KDM3B: variants seen among roughly 807,000 people sequenced by gnomAD.
KDM3B encodes lysine-specific demethylase 3B.
KDM3B carries 10 observed loss-of-function variants against 170.0 expected under a neutral mutation model. The observed-to-expected ratio is 0.06, with a 90% CI of 0.04 to 0.10. The LOEUF is 0.10. Ranked by LOEUF, KDM3B falls within the 10% of genes least tolerant of loss-of-function variation. The probability of loss-of-function intolerance (pLI) is 1.00; values close to 1 mark genes in which losing one functional copy is unlikely to be tolerated. For missense variants in KDM3B, 1,394 were observed against 2,195.2 expected, an observed-to-expected ratio of 0.64 and a Z score of 7.29; for synonymous variants, 831 against 834.8, an observed-to-expected ratio of 1.00 and a Z score of 0.08.
chr5:138,434,811 G>A (rs1763632889), intron 23 of KDM3B, among the ~76,000 whole-genome samples: 1 of 152,160 alleles, frequency 6.6e-6, no homozygotes, highest in African/African-American at 2.4e-5. Context: ...CACATAGTAG[G>A]TATTCATAAA....
intron 1 of KDM3B, among the ~76,000 whole-genome samples, chr5:138,370,614 A>C (rs563137096): frequency 2.6e-5 from 4 of 152,284 alleles, no homozygotes; most frequent in African/African-American, 9.6e-5. Context: ...TAATTACATC[A>C]TCTACATGTA....
rs1364808950 is a variant in KDM3B at position 138,420,779 on chromosome 5, T to C, written c.3789T>C (p.Thr1263=). The C allele has an allele frequency of 2.5e-6, 4 of 1,614,172 alleles. No homozygotes were observed. Among genetic ancestry groups the C allele is most frequent in the Admixed American group, 1.7e-5 (1 of 60,014 alleles). The change falls in exon 15 of 24, where the codon ACT becomes ACC. Residue 1263 remains threonine (T), a synonymous_variant. Transcript: ENST00000314358. ...TTGGGCTGGACTCGTTCAACTCCAC[T>C]GCAAAGGTCTCTCCGCTGACTCCAA... ...SPFGLDSFNS[T]AKVSPLTPKL...
rs1167814889 is a variant in KDM3B at position 138,372,734 on chromosome 5, G to A, written c.253G>A (p.Glu85Lys). Residue 85 changes from glutamate (E) to lysine (K), a missense_variant, in exon 2 of 24, where the codon GAG becomes AAG. By Grantham distance (56) the Glu-to-Lys change is moderately conservative. This residue lies in a region of KDM3B where 16 missense variants were observed against 48.6 expected (regional missense o/e 0.33). Coordinates refer to ENST00000314358, the MANE Select transcript of KDM3B (RefSeq NM_016604.4). ...ACACTCCTGGGTAAAAGTTCATGCT[G>A]AGGAAGTTATCGTGCTTCTGCTGGA... ...KQHSWVKVHA[E>K]EVIVLLLEGS... The A allele has an allele frequency of 6.2e-7, 1 of 1,614,100 alleles. No individual in the cohort carries two copies. The highest frequency in any genetic ancestry group is 1.7e-5 in the Admixed American group (1 of 60,018).
At chr5:138,383,160 A>G (rs1040338914) in intron 6 of KDM3B, among the ~76,000 whole-genome samples, 6 of 150,206 alleles carry the variant, frequency 4.0e-5, no homozygotes, top group African/African-American at 1.5e-4. Flanking sequence ...TTTTTTTGAG[A>G]TGGAGTCTTG....
chr5:138,412,533 G>A (rs1329524962), intron 11 of KDM3B, among the ~76,000 whole-genome samples: 3 of 151,556 alleles, frequency 2.0e-5, no homozygotes, highest in African/African-American at 7.3e-5. Context: ...TTTCACCTGT[G>A]GTCCCAGCTA....
Position 138,413,478 on chromosome 5 carries a change from A to G in KDM3B, c.3200-1654A>G, listed in dbSNP as rs972655333. Among the ~76,000 whole-genome samples the G allele has an allele frequency of 2.6e-5, 4 of 152,224 alleles. 1 individual carries two copies. In the East Asian group the frequency reaches 7.7e-4, roughly 29 times the overall value. ...GCTGGTAGGAATGCAGATTGGTACC[A>G]TCACTTTGGAAAGCAAGAAGGTCAT... On this transcript the variant is annotated intron_variant, in intron 11 of 23. Coordinates refer to ENST00000314358, the MANE Select transcript of KDM3B (RefSeq NM_016604.4).
intron 11 of KDM3B, among the ~76,000 whole-genome samples, chr5:138,413,157 G>A (rs1027330574): frequency 2.0e-5 from 3 of 152,098 alleles, no homozygotes; most frequent in Non-Finnish European, 2.9e-5. Context: ...AGGCCGACGC[G>A]GGTGGATCAC....
At chr5:138,423,773 TGTG>T in intron 15 of KDM3B, among the ~76,000 whole-genome samples, 1 of 152,332 alleles carries the variant, frequency 6.6e-6, no homozygotes, top group Middle Eastern at 3.4e-3. Flanking sequence ...TCTACATGCA[TGTG>T]TGCTTTGTAT....
At chr5:138,353,045 T>G in intron 1 of KDM3B, 58 bp downstream of exon 1, 48 of 462,586 alleles carry the variant, frequency 1.0e-4, no homozygotes, top group East Asian at 4.7e-4. Context: ...GCGGGCGGCC[T>G]CCCCGGGGGC....
intron 3 of KDM3B, among the ~76,000 whole-genome samples, chr5:138,375,750 C>T (rs1395161698): frequency 6.6e-6 from 1 of 151,756 alleles, no homozygotes; most frequent in Non-Finnish European, 1.5e-5. Flanking sequence ...GATCTTGGCT[C>T]ACTGAAACCT....
At chr5:138,429,791 T>G (rs752369474) in intron 20 of KDM3B, 35 bp from the exon 21 acceptor site, 4 of 1,609,718 alleles carry the variant, frequency 2.5e-6, no homozygotes, top group Non-Finnish European at 3.4e-6. Flanking sequence ...CTGAAATGGC[T>G]GACTACATTG....
chr5:138,355,473 A>G (rs1423572625), intron 1 of KDM3B, among the ~76,000 whole-genome samples: 1 of 152,196 alleles, frequency 6.6e-6, no homozygotes, highest in Non-Finnish European at 1.5e-5. Context: ...GTTGATTGAG[A>G]GTTTTGTTGA....
chr5:138,406,462 G>A (rs1036908971), intron 11 of KDM3B, among the ~76,000 whole-genome samples: 3 of 152,120 alleles, frequency 2.0e-5, no homozygotes, highest in Admixed American at 6.6e-5. Context: ...TGGCCAACAC[G>A]GTGAAACCCT....
chr5:138,411,964 C>T (rs1383329829), intron 11 of KDM3B, among the ~76,000 whole-genome samples: 5 of 149,120 alleles, frequency 3.4e-5, no homozygotes, highest in Non-Finnish European at 7.4e-5. Flanking sequence ...CCTGCCTCAA[C>T]CTCCCAAAGT....
At chr5:138,379,796 T>A in intron 5 of KDM3B, 88 bp downstream of exon 5, 1 of 1,316,550 alleles carries the variant, frequency 7.6e-7, no homozygotes, top group Non-Finnish European at 1.0e-6. Flanking sequence ...ATGTGTAAGA[T>A]GACTTGGGTT....
intron 11 of KDM3B, among the ~76,000 whole-genome samples, chr5:138,411,141 T>G (rs1762958022): frequency 6.6e-6 from 1 of 152,238 alleles, no homozygotes; most frequent in Admixed American, 6.5e-5. Flanking sequence ...TCGCTACTGC[T>G]AGACCACGGT....
At chr5:138,383,961 A>G (rs2126938501) in intron 6 of KDM3B, among the ~76,000 whole-genome samples, 1 of 151,748 alleles carries the variant, frequency 6.6e-6, no homozygotes, top group East Asian at 1.9e-4. Context: ...AAAAAAAAAG[A>G]AGAAAAAAAT....
intron 10 of KDM3B, among the ~76,000 whole-genome samples, chr5:138,399,653 A>G (rs988886761): frequency 1.3e-5 from 2 of 152,184 alleles, no homozygotes; most frequent in African/African-American, 2.4e-5. Context: ...AAATACCATT[A>G]TATTATAAAT....
At chr5:138,353,094 C>A in intron 1 of KDM3B, 107 bp downstream of exon 1, 1 of 936,650 alleles carries the variant, frequency 1.1e-6, no homozygotes, top group Non-Finnish European at 1.4e-6. Flanking sequence ...GACCCATTTC[C>A]GTGCCCCCGG....
Sources: allele counts gnomAD v4.1 joint callset (sites outside exome capture counted in the v4.1 genomes callset), GRCh38; gene constraint gnomAD v4.1.1; regional missense constraint gnomAD v4.1.1; transcripts MANE v1.5; gene names NCBI Gene and HGNC (gene_info 2026-07-23, HGNC 2026-07-21).